ZFHX3: variants seen among roughly 807,000 people sequenced by gnomAD.
The protein encoded by ZFHX3 is zinc finger homeobox protein 3.
In ZFHX3, 42 loss-of-function variants were observed where a neutral mutation model predicts 279.1. The ratio of observed to expected loss-of-function variants is 0.15; its 90% CI spans 0.12 to 0.19. The LOEUF is 0.19. ZFHX3 is among the 10% of genes least tolerant of loss of function. The pLI is 1.00. For synonymous variants in ZFHX3, 2,293 were observed against 1,957.8 expected, an observed-to-expected ratio of 1.17 and a Z score of -4.52; for missense variants, 4,981 against 4,754.0, an observed-to-expected ratio of 1.05 and a Z score of -1.40.
intron 5 of ZFHX3, among the ~76,000 whole-genome samples, chr16:72,818,104 A>G (rs2036667105): frequency 6.6e-6 from 1 of 152,208 alleles, no homozygotes; most frequent in South Asian, 2.1e-4. Flanking sequence ...ACATAGCTCC[A>G]TACTTAATGT....
chr16:73,577,088 T>A (rs2051807884), intron 2 of ZFHX3, among the ~76,000 whole-genome samples: 1 of 152,182 alleles, frequency 6.6e-6, no homozygotes, highest in African/African-American at 2.4e-5. Context: ...CTCTGCTTAT[T>A]TCTAGGTGTG....
chr16:73,316,235 C>T (rs555527914), intron 4 of ZFHX3, among the ~76,000 whole-genome samples: 5 of 152,348 alleles, frequency 3.3e-5, no homozygotes, highest in Non-Finnish European at 7.3e-5. Flanking sequence ...CAGTGAAGGT[C>T]ATTGAGGAAA....
intron 1 of ZFHX3, among the ~76,000 whole-genome samples, chr16:73,793,421 A>G (rs75121905): frequency 0.018 from 2,713 of 152,336 alleles, 71 homozygotes; most frequent in African/African-American, 0.062. Flanking sequence ...CTTGGCAAAC[A>G]TCATCATTTC....
At chr16:73,864,383 G>C (rs1961958050) in intron 1 of ZFHX3, among the ~76,000 whole-genome samples, 1 of 152,204 alleles carries the variant, frequency 6.6e-6, no homozygotes, top group African/African-American at 2.4e-5. Context: ...GATAAACACA[G>C]AGGTTAGAGT....
intron 1 of ZFHX3, among the ~76,000 whole-genome samples, chr16:73,012,029 A>G (rs1347739711): frequency 6.6e-6 from 1 of 152,178 alleles, no homozygotes; most frequent in Non-Finnish European, 1.5e-5. Context: ...TTAGCTCATC[A>G]AGCACAAAAC....
intron 5 of ZFHX3, among the ~76,000 whole-genome samples, chr16:73,237,395 A>ACC (rs2012984069): frequency 1.3e-5 from 2 of 151,958 alleles, no homozygotes; most frequent in South Asian, 4.2e-4. Flanking sequence ...ACAGGTGCAC[A>ACC]CCACTATGCC....
chr16:73,660,979 C>T (rs909590509), intron 2 of ZFHX3, among the ~76,000 whole-genome samples: 6 of 152,134 alleles, frequency 3.9e-5, no homozygotes, highest in Admixed American at 3.3e-4. Context: ...GAATTGCATA[C>T]CCATATCTAC....
chr16:73,350,030 C>A (rs934729990), intron 3 of ZFHX3, among the ~76,000 whole-genome samples: 5 of 151,408 alleles, frequency 3.3e-5, no homozygotes, highest in African/African-American at 1.2e-4. Context: ...ACTGGCAAGG[C>A]AGAAGCCTTT....
chr16:72,945,624 A>T (rs1362284669), intron 3 of ZFHX3, among the ~76,000 whole-genome samples: 2 of 152,220 alleles, frequency 1.3e-5, no homozygotes, highest in Admixed American at 6.5e-5. Flanking sequence ...GGTTGAAGGC[A>T]TCAAGGTAGG....
At chr16:73,319,379 T>G (rs1000658018) in intron 3 of ZFHX3, among the ~76,000 whole-genome samples, 8 of 152,018 alleles carry the variant, frequency 5.3e-5, no homozygotes, top group African/African-American at 1.5e-4. Context: ...CAGCACAGGT[T>G]ACTTGGCAAT....
At chr16:73,434,099 A>T (rs934312930) in intron 3 of ZFHX3, among the ~76,000 whole-genome samples, 1 of 152,182 alleles carries the variant, frequency 6.6e-6, no homozygotes, top group African/African-American at 2.4e-5. Context: ...AACTGTCAAT[A>T]AACCGCCCAA....
rs1289456142 is a variant in ZFHX3 at position 72,800,018 on chromosome 16, G to A, written c.3967+9C>T. On this transcript the variant is annotated intron_variant, in intron 8 of 9. Transcript: ENST00000268489. ...TCAATTTCTTGGGGTCAAGAATAAT[G>A]ATACTGACCAGGCTGCTTTCCTGCC... 1.1e-5 allele frequency: 18 copies of A among 1,611,824 alleles called. No homozygotes were observed. The highest frequency in any genetic ancestry group is 1.5e-5 in the Non-Finnish European group (18 of 1,178,104).
intron 3 of ZFHX3, among the ~76,000 whole-genome samples, chr16:73,369,695 T>C (rs1211971930): frequency 6.6e-6 from 1 of 152,206 alleles, no homozygotes; most frequent in Non-Finnish European, 1.5e-5. Context: ...TGGTGGCTCT[T>C]GCTCCTGAAG....
At chr16:73,327,021 G>A (rs1019313325) in intron 3 of ZFHX3, among the ~76,000 whole-genome samples, 6 of 152,280 alleles carry the variant, frequency 3.9e-5, no homozygotes, top group African/African-American at 7.2e-5. Flanking sequence ...TGAGGAAACC[G>A]TATCTCAAAA....
At chr16:73,564,248 C>T (rs1334254394) in intron 2 of ZFHX3, among the ~76,000 whole-genome samples, 1 of 152,188 alleles carries the variant, frequency 6.6e-6, no homozygotes, top group Admixed American at 6.5e-5. Context: ...TCACCATCAT[C>T]CTCGCTCTCT....
intron 3 of ZFHX3, among the ~76,000 whole-genome samples, chr16:73,434,273 G>A (rs945834964): frequency 1.3e-5 from 2 of 152,210 alleles, no homozygotes; most frequent in African/African-American, 4.8e-5. Flanking sequence ...CACTCCTGGG[G>A]CCCTTAGTAA....
At chr16:73,168,500 C>T (rs531271264) in intron 5 of ZFHX3, among the ~76,000 whole-genome samples, 15 of 152,228 alleles carry the variant, frequency 9.9e-5, no homozygotes, top group Admixed American at 5.2e-4. Flanking sequence ...AAGCAGGTCT[C>T]CTACCCCAGC....
chr16:73,308,426 G>A (rs570225012), intron 4 of ZFHX3, among the ~76,000 whole-genome samples: 44 of 151,708 alleles, frequency 2.9e-4, no homozygotes, highest in African/African-American at 8.2e-4. Flanking sequence ...TAGTAGCTGC[G>A]ATTACAGGCA....
intron 1 of ZFHX3, among the ~76,000 whole-genome samples, chr16:73,751,666 C>T (rs1475547461): frequency 6.6e-6 from 1 of 152,134 alleles, no homozygotes; most frequent in African/African-American, 2.4e-5. Flanking sequence ...ATAGGCCTAT[C>T]TTCTCATTGT....
Sources: gnomAD v4.1 joint callset for allele counts (sites outside exome capture counted in the v4.1 genomes callset) on GRCh38, gnomAD v4.1.1 for gene constraint, MANE v1.5 for transcripts, NCBI Gene and HGNC (gene_info 2026-07-23, HGNC 2026-07-21) for gene names.